TSHZ2: variants seen among roughly 807,000 people sequenced by gnomAD.
The protein encoded by TSHZ2 is teashirt zinc finger homeobox 2.
In TSHZ2, 21 loss-of-function variants were observed where a neutral mutation model predicts 74.4. That is an observed-to-expected ratio of 0.28 (90% CI 0.20 to 0.41). The LOEUF (loss-of-function observed/expected upper bound fraction) is 0.41, where lower values mean the gene tolerates loss of function less well. Ranked by LOEUF, TSHZ2 falls within the 10% of genes least tolerant of loss-of-function variation. The pLI is 1.00. For synonymous variants in TSHZ2, 540 were observed against 515.3 expected, an observed-to-expected ratio of 1.05 and a Z score of -0.65; for missense variants, 1,244 against 1,293.5, an observed-to-expected ratio of 0.96 and a Z score of 0.59.
chr20:53,462,329 C>G (rs2145816076), intron 2 of TSHZ2, among the ~76,000 whole-genome samples: 1 of 152,264 alleles, frequency 6.6e-6, no homozygotes, highest in East Asian at 1.9e-4. Context: ...TCTTAACAGC[C>G]TCATGTTTAC....
At chr20:53,454,428 G>A (rs1285436250) in intron 2 of TSHZ2, among the ~76,000 whole-genome samples, 2 of 152,010 alleles carry the variant, frequency 1.3e-5, no homozygotes. Context: ...CGGGCATGGT[G>A]GCACGTGCCT....
intron 1 of TSHZ2, among the ~76,000 whole-genome samples, chr20:53,075,679 G>A (rs1341732526): frequency 1.3e-5 from 2 of 152,178 alleles, no homozygotes; most frequent in Non-Finnish European, 2.9e-5. Context: ...GAGAATGAAG[G>A]TGGAGGAAGG....
chr20:53,335,421 A>G (rs1470955495), intron 2 of TSHZ2, among the ~76,000 whole-genome samples: 2 of 152,210 alleles, frequency 1.3e-5, no homozygotes, highest in African/African-American at 4.8e-5. Context: ...AGACTTCTCC[A>G]GTTTGCCACT....
intron 2 of TSHZ2, among the ~76,000 whole-genome samples, chr20:53,465,981 AAAAG>A (rs1219191341): frequency 6.6e-6 from 1 of 151,398 alleles, no homozygotes; most frequent in Non-Finnish European, 1.5e-5. Context: ...AAAAAAAAAA[AAAAG>A]ACTGTAATCC....
At chr20:53,244,604 G>A (rs1042294962) in intron 1 of TSHZ2, among the ~76,000 whole-genome samples, 27 of 151,982 alleles carry the variant, frequency 1.8e-4, no homozygotes, top group African/African-American at 4.3e-4. Flanking sequence ...AATAATATAC[G>A]CTGGACTGAA....
chr20:53,212,585 T>C (rs1320851204), intron 1 of TSHZ2, among the ~76,000 whole-genome samples: 1 of 152,188 alleles, frequency 6.6e-6, no homozygotes, highest in African/African-American at 2.4e-5. Context: ...ACTGCTTTCA[T>C]TCAGAGTACA....
intron 1 of TSHZ2, among the ~76,000 whole-genome samples, chr20:53,003,373 C>T (rs1330700508): frequency 6.6e-6 from 1 of 151,830 alleles, no homozygotes; most frequent in Non-Finnish European, 1.5e-5. Flanking sequence ...TTTGGAAGCT[C>T]GAGGTATGAG....
intron 1 of TSHZ2, among the ~76,000 whole-genome samples, chr20:53,235,226 G>A (rs1222820273): frequency 6.6e-6 from 1 of 152,002 alleles, no homozygotes; most frequent in Non-Finnish European, 1.5e-5. Flanking sequence ...GGAGTACAGT[G>A]TCATGATCTT....
At chr20:53,181,671 G>A (rs138290724) in intron 1 of TSHZ2, among the ~76,000 whole-genome samples, 236 of 152,202 alleles carry the variant, frequency 1.6e-3, no homozygotes, top group African/African-American at 5.5e-3. Flanking sequence ...GGCAGATCAC[G>A]AGGTCAGGAG....
At chr20:53,423,960 G>A (rs532217071) in intron 2 of TSHZ2, among the ~76,000 whole-genome samples, 42 of 152,290 alleles carry the variant, frequency 2.8e-4, no homozygotes, top group Middle Eastern at 3.4e-3. Context: ...TAAACACCCC[G>A]ACGACGCGCA....
chr20:53,105,142 C>T (rs6022281), intron 1 of TSHZ2, among the ~76,000 whole-genome samples: 7,632 of 152,266 alleles, frequency 0.05, 336 homozygotes, highest in African/African-American at 0.12. Context: ...CTAAGGAACA[C>T]GAGAGTCTGT....
rs374364980 is a variant in TSHZ2, at chr20:53,038,896, G to GTTTTTTTT, written c.40+65566_40+65567insTTTTTTTT. 5.4e-4 allele frequency among the ~76,000 whole-genome samples: 76 copies of GTTTTTTTT among 140,442 alleles called. 2 individuals are homozygous for GTTTTTTTT. The highest frequency in any genetic ancestry group is 2.0e-3 in the African/African-American group (68 of 33,232). The allele number at this position is 140,442 out of a possible 152,430, so 92.1% of individuals were successfully genotyped here. On this transcript the variant is annotated intron_variant, in intron 1 of 2. Coordinates refer to ENST00000371497, the MANE Select transcript of TSHZ2 (RefSeq NM_173485.6). ...TTTGTTTGTTTTGTTTTGTTTGTTTGTTTGTTTGTTTGTTTTTGAGATGGA... is the reference window on the plus strand; with the variant it reads ...TTTGTTTGTTTTGTTTTGTTTGTTTGTTTTTTTTTTTGTTTGTTTGTTTTTGAGATGGA...
intron 1 of TSHZ2, among the ~76,000 whole-genome samples, chr20:52,979,283 A>G (rs1232747205): frequency 2.6e-5 from 4 of 152,172 alleles, no homozygotes; most frequent in Non-Finnish European, 5.9e-5. Context: ...TTCAAGATAC[A>G]TCAGATTTTA....
At chr20:53,134,453 T>C (rs1047917026) in intron 1 of TSHZ2, among the ~76,000 whole-genome samples, 4 of 152,196 alleles carry the variant, frequency 2.6e-5, no homozygotes, top group Admixed American at 1.3e-4. Context: ...CACACCTCAA[T>C]ATAAATTTTC....
At chr20:53,138,339 A>G (rs1348484921) in intron 1 of TSHZ2, among the ~76,000 whole-genome samples, 2 of 151,868 alleles carry the variant, frequency 1.3e-5, no homozygotes, top group Admixed American at 1.3e-4. Context: ...AGCAGAGATC[A>G]AGCCGCTGCA....
chr20:53,262,717 T>C (rs941812983), intron 2 of TSHZ2, among the ~76,000 whole-genome samples: 1 of 152,310 alleles, frequency 6.6e-6, no homozygotes. Context: ...GATAAGGGAA[T>C]GTGTTAAGGG....
chr20:53,240,946 A>G (rs922001660), intron 1 of TSHZ2, among the ~76,000 whole-genome samples: 1 of 152,180 alleles, frequency 6.6e-6, no homozygotes, highest in Non-Finnish European at 1.5e-5. Flanking sequence ...GGAACCATTT[A>G]TTGGTGTTCA....
At chr20:53,167,904 G>T (rs1212731280) in intron 1 of TSHZ2, among the ~76,000 whole-genome samples, 1 of 152,160 alleles carries the variant, frequency 6.6e-6, no homozygotes, top group Non-Finnish European at 1.5e-5. Flanking sequence ...GTCTTTCAAG[G>T]TGTTTCTTTA....
At chr20:53,135,097 C>T (rs1987212291) in intron 1 of TSHZ2, among the ~76,000 whole-genome samples, 2 of 151,980 alleles carry the variant, frequency 1.3e-5, no homozygotes, top group African/African-American at 4.8e-5. Flanking sequence ...CAAGCATCCT[C>T]CAAGAAAGAA....
Sources: gnomAD v4.1 joint callset for allele counts (sites outside exome capture counted in the v4.1 genomes callset) on GRCh38, gnomAD v4.1.1 for gene constraint, MANE v1.5 for transcripts, NCBI Gene and HGNC (gene_info 2026-07-23, HGNC 2026-07-21) for gene names.